Variants in ZBTB20 observed in about 807,000 individuals in gnomAD.
ZBTB20 encodes the protein zinc finger and BTB domain-containing protein 20.
ZBTB20 carries 9 observed loss-of-function variants against 56.9 expected under a neutral mutation model. The observed-to-expected ratio is 0.16, with a 90% CI of 0.10 to 0.28. The LOEUF is 0.28. ZBTB20 is among the 10% of genes least tolerant of loss of function. The pLI, the probability that ZBTB20 is intolerant of heterozygous loss-of-function variation, is 1.00. For missense variants in ZBTB20, 655 were observed against 1,003.0 expected (o/e 0.65, Z 4.69); for synonymous variants, 417 against 420.7 (o/e 0.99, Z 0.11).
intron 7 of ZBTB20, among the ~76,000 whole-genome samples, chr3:114,483,293 C>T (rs1286960249): frequency 2.6e-5 from 4 of 151,732 alleles, no homozygotes; most frequent in Non-Finnish European, 5.9e-5. Context: ...AATATTTGTA[C>T]AAATATTTTG....
chr3:114,985,469 C>T (rs1338857447), intron 2 of ZBTB20, among the ~76,000 whole-genome samples: 1 of 152,054 alleles, frequency 6.6e-6, no homozygotes, highest in Non-Finnish European at 1.5e-5. Context: ...CCACATTAGA[C>T]CTAAAATGTA....
At chr3:114,359,495 C>T (rs2081585869) in intron 10 of ZBTB20, 1 of 152,270 alleles carries the variant, frequency 6.6e-6, no homozygotes, top group East Asian at 1.9e-4. Context: ...GGAAAAAAGT[C>T]AATGAAATCT....
At chr3:114,873,663 T>A (rs1383259368) in intron 4 of ZBTB20, among the ~76,000 whole-genome samples, 1 of 152,146 alleles carries the variant, frequency 6.6e-6, no homozygotes, top group Non-Finnish European at 1.5e-5. Context: ...TATGAATATT[T>A]CATCTTTGTC....
At chr3:114,839,604 G>A (rs918934092) in intron 4 of ZBTB20, among the ~76,000 whole-genome samples, 20 of 152,020 alleles carry the variant, frequency 1.3e-4, no homozygotes, top group Admixed American at 1.3e-4. Context: ...CAAAAGAAAC[G>A]CCCACATTCT....
At chr3:114,916,835 T>G (rs1207644574) in intron 3 of ZBTB20, among the ~76,000 whole-genome samples, 2 of 152,212 alleles carry the variant, frequency 1.3e-5, no homozygotes, top group Non-Finnish European at 2.9e-5. Context: ...TTTGACCTTT[T>G]GGGAATTTGA....
At chr3:115,099,553 T>G (rs1483787850) in intron 1 of ZBTB20, among the ~76,000 whole-genome samples, 1 of 152,164 alleles carries the variant, frequency 6.6e-6, no homozygotes, top group Non-Finnish European at 1.5e-5. Context: ...AAATAATTAC[T>G]CCATTCTTAC....
At chr3:114,532,225 T>C (rs980591725) in intron 6 of ZBTB20, among the ~76,000 whole-genome samples, 2 of 152,174 alleles carry the variant, frequency 1.3e-5, no homozygotes, top group South Asian at 4.1e-4. Context: ...CCAAGCAAGC[T>C]AAGATCCACT....
chr3:115,054,038 C>T (rs1487210148), intron 2 of ZBTB20, among the ~76,000 whole-genome samples: 3 of 151,912 alleles, frequency 2.0e-5, no homozygotes, highest in South Asian at 4.2e-4. Context: ...ATCCATTGTC[C>T]CCCATTAGTC....
At chr3:115,034,320 TG>T (rs1026905889) in intron 2 of ZBTB20, among the ~76,000 whole-genome samples, 3 of 151,690 alleles carry the variant, frequency 2.0e-5, no homozygotes, top group African/African-American at 7.2e-5. Flanking sequence ...TGATCTCATA[TG>T]TAAAAAACAT....
chr3:114,655,738 A>T (rs916664761), intron 6 of ZBTB20, among the ~76,000 whole-genome samples: 14 of 152,188 alleles, frequency 9.2e-5, no homozygotes, highest in Non-Finnish European at 1.5e-5. Context: ...TGAGTATCTT[A>T]TAAGTATAAT....
At chr3:115,047,509 TATAATC>T (rs2081375868) in intron 2 of ZBTB20, among the ~76,000 whole-genome samples, 1 of 152,226 alleles carries the variant, frequency 6.6e-6, no homozygotes, top group South Asian at 2.1e-4. Flanking sequence ...TATTTATACT[TATAATC>T]ATTATTGTAC....
chr3:114,949,537 G>C (rs987739580), intron 3 of ZBTB20, among the ~76,000 whole-genome samples: 12 of 146,290 alleles, frequency 8.2e-5, no homozygotes, highest in Non-Finnish European at 1.6e-4. Context: ...GGAGGCCAAG[G>C]TGGCCAGATC....
intron 6 of ZBTB20, among the ~76,000 whole-genome samples, chr3:114,636,926 C>CAA (rs1553773263): frequency 3.6e-4 from 2 of 5,608 alleles, no homozygotes; most frequent in South Asian, 0.042. Flanking sequence ...ACAACAACAA[C>CAA]AAAAAACAAC....
chr3:114,719,327 AG>A (rs958300827), intron 5 of ZBTB20, among the ~76,000 whole-genome samples: 1 of 152,148 alleles, frequency 6.6e-6, no homozygotes, highest in African/African-American at 2.4e-5. Flanking sequence ...TAATGGCCAC[AG>A]GAATTCAGGT....
At chr3:114,354,587 G>GTTTTTTTTT (rs10663657) in intron 10 of ZBTB20, among the ~76,000 whole-genome samples, 1 of 130,150 alleles carries the variant, frequency 7.7e-6, no homozygotes. Flanking sequence ...TGTTTTGTTT[G>GTTTTTTTTT]TTTTTTTTTT....
chr3:114,919,524 C>T (rs974551409), intron 3 of ZBTB20, among the ~76,000 whole-genome samples: 6 of 151,682 alleles, frequency 4.0e-5, no homozygotes, highest in East Asian at 1.9e-4. Flanking sequence ...TGGCCAAGTT[C>T]GTGAAACCCC....
intron 3 of ZBTB20, among the ~76,000 whole-genome samples, chr3:114,947,934 G>C (rs149616729): frequency 6.9e-6 from 1 of 145,388 alleles, no homozygotes; most frequent in East Asian, 1.9e-4. Flanking sequence ...GGTAGAAATA[G>C]AGGGAATACA....
chr3:114,568,935 A>C (rs1214045211), intron 6 of ZBTB20, among the ~76,000 whole-genome samples: 1 of 151,908 alleles, frequency 6.6e-6, no homozygotes, highest in Non-Finnish European at 1.5e-5. Context: ...GTTCCTGGGT[A>C]CTCTGGACTC....
At chr3:114,446,451 T>G (rs1198488187) in intron 7 of ZBTB20, among the ~76,000 whole-genome samples, 1 of 152,164 alleles carries the variant, frequency 6.6e-6, no homozygotes, top group African/African-American at 2.4e-5. Flanking sequence ...AGTTTTGCAC[T>G]GCTTAAATTC....
Sources: allele counts gnomAD v4.1 joint callset (sites outside exome capture counted in the v4.1 genomes callset), GRCh38; gene constraint gnomAD v4.1.1; transcripts MANE v1.5; gene names NCBI Gene and HGNC (gene_info 2026-07-23, HGNC 2026-07-21).